AKTIP: variants seen among roughly 807,000 people sequenced by gnomAD.
AKTIP encodes the protein AKT-interacting protein.
AKTIP carries 16 observed loss-of-function variants against 39.1 expected under a neutral mutation model. The ratio of observed to expected loss-of-function variants is 0.41; its 90% CI spans 0.28 to 0.62. The LOEUF is 0.62. Among genes scored for constraint, AKTIP ranks in the 20% least tolerant of loss-of-function variants. AKTIP has a pLI of 0.32. For synonymous variants in AKTIP, 93 were observed against 124.3 expected (o/e 0.75, Z 1.67); for missense variants, 262 against 356.6 (o/e 0.73, Z 2.14).
chr16:53,500,820 C>A (rs1962123698), intron 1 of AKTIP, among the ~76,000 whole-genome samples: 1 of 152,214 alleles, frequency 6.6e-6, no homozygotes, highest in South Asian at 2.1e-4. Flanking sequence ...TACCCACCTC[C>A]TTTTCTGGTT....
At position 53,498,297 on chromosome 16, in the gene AKTIP, A is replaced by C. The variant is rs373591305; in HGVS notation, c.248+94T>G. The C allele has an allele frequency of 1.9e-5, 25 of 1,288,574 alleles. No individual in the cohort carries two copies. In the African/African-American group the frequency reaches 3.5e-4, roughly 18 times the overall value. The allele number at this position is 1,288,574 out of a possible 1,614,324, so 79.8% of individuals were successfully genotyped here. A position where few individuals can be genotyped will look rare whatever the true frequency, so the allele number is the denominator to read the frequency against. On this transcript the variant is annotated intron_variant, in intron 3 of 9. Coordinates refer to ENST00000394657, the MANE Select transcript of AKTIP (RefSeq NM_022476.4). ...GGACAGGTTTGAGCTTTGAGATTAA[A>C]TGTCTGCCCTTTACTGCATCCATCA...
At chr16:53,500,954 T>C (rs1962132651) in intron 1 of AKTIP, among the ~76,000 whole-genome samples, 1 of 152,160 alleles carries the variant, frequency 6.6e-6, no homozygotes, top group Non-Finnish European at 1.5e-5. Flanking sequence ...CGGACAACAG[T>C]TGTTACTAGC....
At position 53,492,126 on chromosome 16, in the gene AKTIP, A is replaced by AC. The variant is rs1961517994; in HGVS notation, c.*285dup. 3.1e-6 allele frequency: 1 copy of AC among 325,492 alleles called. No individual in the cohort carries two copies. Among genetic ancestry groups the AC allele is most frequent in the African/African-American group, 2.2e-5 (1 of 46,502 alleles). 20.2% of individuals were successfully genotyped at this position (325,492 alleles called of 1,614,324 possible). On this transcript the variant is annotated 3_prime_UTR_variant, in exon 10 of 10. Coordinates refer to ENST00000394657, the MANE Select transcript of AKTIP (RefSeq NM_022476.4). The stretch of plus-strand genomic sequence containing the variant: ...CTATTAGTTTAAATGAATGCAACTT[A>AC]CCTTTAGCATTATATTCAGAAAAAT...
At chr16:53,500,620 C>T (rs951211255) in intron 1 of AKTIP, among the ~76,000 whole-genome samples, 1 of 152,134 alleles carries the variant, frequency 6.6e-6, no homozygotes, top group Non-Finnish European at 1.5e-5. Flanking sequence ...TCAAGTGATC[C>T]ACCTGCCTCA....
chr16:53,498,447 A>G lies in AKTIP; in HGVS notation c.192T>C (p.Asn64=), dbSNP rs1320763725. The change falls in exon 3 of 10, where the codon AAT becomes AAC. Residue 64 remains asparagine, a synonymous_variant. Coordinates refer to ENST00000394657, the MANE Select transcript of AKTIP (RefSeq NM_022476.4). The part of the protein sequence containing the change: ...TSPAPAAQST[N]GTHASYGPFY... ...AGGGTCCATAGGACGCATGCGTGCC[A>G]TTTGTTGACTGTGCTGCTGGGGCAG... The G allele has an allele frequency of 6.2e-7, 1 of 1,613,928 alleles. No individual in the cohort carries two copies. Among genetic ancestry groups the G allele is most frequent in the African/African-American group, 1.3e-5 (1 of 74,938 alleles).
At chr16:53,500,053 C>T (rs1367964544) in intron 2 of AKTIP, among the ~76,000 whole-genome samples, 165 bp downstream of exon 2, 1 of 152,096 alleles carries the variant, frequency 6.6e-6, no homozygotes. Flanking sequence ...AGACTTCAAC[C>T]AACAAAATAA....
intron 3 of AKTIP, 46 bp from the exon 4 acceptor site, chr16:53,495,372 C>G (rs78472300): frequency 1.3e-6 from 2 of 1,587,684 alleles, no homozygotes; most frequent in Non-Finnish European, 1.7e-6. Context: ...ACAAATGACA[C>G]ATGCAGATCA....
At chr16:53,492,775 T>G in intron 8 of AKTIP, 22 bp from the exon 9 acceptor site, 2 of 1,606,606 alleles carry the variant, frequency 1.2e-6, no homozygotes, top group Non-Finnish European at 1.7e-6. Context: ...GAAAAGTATT[T>G]AAAAACTATT....
In AKTIP at chr16:53,491,504, C is replaced by T. The variant is rs1961453333; in HGVS notation, c.*908G>A. 6.6e-6 allele frequency: 1 copy of T among 152,488 alleles called. No individual in the cohort carries two copies. 9.4% of individuals were successfully genotyped at this position (152,488 alleles called of 1,614,324 possible). A position where few individuals can be genotyped will look rare whatever the true frequency, so the allele number is the denominator to read the frequency against. On this transcript the variant is annotated 3_prime_UTR_variant, in exon 10 of 10. Coordinates refer to ENST00000394657, the MANE Select transcript of AKTIP (RefSeq NM_022476.4). ...CAGTATAAACAAAGTTACTAGGTAA[C>T]TTCATATTGCTGAGAGAAATATGGA...
chr16:53,493,807 GT>G, intron 8 of AKTIP: 1 of 280,284 alleles, frequency 3.6e-6, no homozygotes, highest in Middle Eastern at 1.2e-3. Flanking sequence ...GTCAATGAGG[GT>G]TTGGCAGTTT....
chr16:53,497,200 C>A lies in AKTIP; in HGVS notation c.248+1191G>T, dbSNP rs565607709. ...TTTTAACAAATTCTCTAATGAAATG[C>A]CATCTGCGTCTGTGCAGTGCTGGAG... is the stretch of plus-strand genomic sequence containing the variant. On this transcript the variant is annotated intron_variant, in intron 3 of 9. Transcript: ENST00000394657. Among the ~76,000 whole-genome samples, 209 of 152,336 alleles carry A rather than the reference C, an allele frequency of 1.4e-3. 1 individual carries two copies. Among genetic ancestry groups the A allele is most frequent in the Middle Eastern group, 3.4e-3 (1 of 294 alleles).
intron 1 of AKTIP, chr16:53,502,568 G>A (rs529548053): frequency 2.5e-4 from 38 of 152,324 alleles, no homozygotes; most frequent in African/African-American, 8.4e-4. Context: ...CAGAGCAGGG[G>A]CCAGAAAAAA....
chr16:53,496,175 T>A (rs1286305728), intron 3 of AKTIP, among the ~76,000 whole-genome samples: 1 of 152,196 alleles, frequency 6.6e-6, no homozygotes, highest in African/African-American at 2.4e-5. Context: ...TTCCATTCAC[T>A]TACTTTTCAT....
intron 8 of AKTIP, chr16:53,493,003 A>G (rs2150846346): frequency 7.0e-6 from 3 of 428,614 alleles, no homozygotes; most frequent in Non-Finnish European, 1.3e-5. Context: ...ACAGCAAAGC[A>G]GAGTAAATTA....
At position 53,498,455 on chromosome 16, in the gene AKTIP, A is replaced by C. The variant is rs908389472; in HGVS notation, c.184T>G (p.Ser62Ala). 3 of 1,613,920 alleles carry C rather than the reference A, an allele frequency of 1.9e-6. No homozygotes were observed. In the African/African-American group the frequency reaches 4.0e-5, roughly 22 times the overall value. ...KPTSPAPAAQ[S>A]TNGTHASYGP... ...TAGGACGCATGCGTGCCATTTGTTG[A>C]CTGTGCTGCTGGGGCAGGAGATGTA... The change falls in exon 3 of 10, where the codon TCA (serine) becomes GCA (alanine). Residue 62 changes from serine (S) to alanine (A), a missense_variant. Coordinates refer to ENST00000394657, the MANE Select transcript of AKTIP (RefSeq NM_022476.4).
At chr16:53,496,348 C>T (rs1156799870) in intron 3 of AKTIP, among the ~76,000 whole-genome samples, 1 of 152,086 alleles carries the variant, frequency 6.6e-6, no homozygotes, top group Non-Finnish European at 1.5e-5. Context: ...ACTCACTGCC[C>T]AGCCTCAAAC....
intron 8 of AKTIP, chr16:53,493,219 A>C (rs1160773367): frequency 6.2e-6 from 1 of 161,430 alleles, no homozygotes; most frequent in East Asian, 1.7e-4. Context: ...CCTGGAGTGC[A>C]ATGCCAAGAT....
chr16:53,498,417 G>A lies in AKTIP; in HGVS notation c.222C>T (p.Tyr74=). Reference sequence around the variant, plus strand: ...ATTCTGCAAGAAGAGAGTATTCCAGGTAGAAGGGTCCATAGGACGCATGCG... The same window carrying A: ...ATTCTGCAAGAAGAGAGTATTCCAGATAGAAGGGTCCATAGGACGCATGCG... ...NGTHASYGPF[Y]LEYSLLAEFT... Residue 74 remains tyrosine, a synonymous_variant, in exon 3 of 10, where the codon TAC becomes TAT. Transcript: ENST00000394657. The A allele has an allele frequency of 6.2e-7, 1 of 1,613,942 alleles. No homozygotes were observed. The highest frequency in any genetic ancestry group is 8.5e-7 in the Non-Finnish European group (1 of 1,179,836).
At chr16:53,495,963 G>C (rs1319480708) in intron 3 of AKTIP, among the ~76,000 whole-genome samples, 4 of 152,170 alleles carry the variant, frequency 2.6e-5, no homozygotes, top group African/African-American at 9.7e-5. Context: ...GCAGAGACCT[G>C]AACTCTGTGG....
Sources: allele counts gnomAD v4.1 joint callset (sites outside exome capture counted in the v4.1 genomes callset), GRCh38; gene constraint gnomAD v4.1.1; transcripts MANE v1.5; gene names NCBI Gene and HGNC (gene_info 2026-07-23, HGNC 2026-07-21).